The following RORA variants were observed in gnomAD, a reference collection of about 807,000 sequenced individuals.
The protein encoded by RORA is nuclear receptor ROR-alpha.
In RORA, 7 loss-of-function variants were observed where a neutral mutation model predicts 69.5. That is an observed-to-expected ratio of 0.10 (90% CI 0.06 to 0.19). The LOEUF (loss-of-function observed/expected upper bound fraction) is 0.19, where lower values mean the gene tolerates loss of function less well. Among genes scored for constraint, RORA ranks in the 10% least tolerant of loss-of-function variants. The pLI, the probability that RORA is intolerant of heterozygous loss-of-function variation, is 1.00. For missense variants in RORA, 457 were observed against 663.0 expected, an observed-to-expected ratio of 0.69 and a Z score of 3.41; for synonymous variants, 261 against 240.8, an observed-to-expected ratio of 1.08 and a Z score of -0.78.
At chr15:61,119,175 T>A (rs1418653419) in intron 1 of RORA, among the ~76,000 whole-genome samples, 1 of 151,648 alleles carries the variant, frequency 6.6e-6, no homozygotes, top group Non-Finnish European at 1.5e-5. Context: ...CCAGAGATAT[T>A]TTCAGGGGCA....
chr15:60,835,183 T>C (rs754278023), intron 1 of RORA, among the ~76,000 whole-genome samples: 2 of 152,204 alleles, frequency 1.3e-5, no homozygotes, highest in Non-Finnish European at 2.9e-5. Flanking sequence ...TGGCTGCATC[T>C]GCACAAAGTG....
chr15:60,667,326 C>G (rs1373240657), intron 2 of RORA, among the ~76,000 whole-genome samples: 2 of 152,226 alleles, frequency 1.3e-5, no homozygotes, highest in African/African-American at 4.8e-5. Context: ...CAAGCTGAAT[C>G]TGTCACTAAC....
intron 1 of RORA, among the ~76,000 whole-genome samples, chr15:61,031,916 C>T (rs1896190918): frequency 6.6e-6 from 1 of 152,150 alleles, no homozygotes; most frequent in African/African-American, 2.4e-5. Flanking sequence ...TTCATTATCA[C>T]TTACTTCTCT....
intron 2 of RORA, among the ~76,000 whole-genome samples, chr15:60,626,012 A>G (rs1212459045): frequency 6.6e-6 from 1 of 152,214 alleles, no homozygotes; most frequent in Non-Finnish European, 1.5e-5. Context: ...CAGAGCTCCC[A>G]CGTTCTTCCT....
At chr15:61,168,217 C>T (rs11637398) in intron 1 of RORA, among the ~76,000 whole-genome samples, 137,991 of 147,022 alleles carry the variant, frequency 0.94, 64,515 homozygotes, top group East Asian at 0.99. Flanking sequence ...TGCGTGCGTG[C>T]GTGTGTGTGT....
intron 1 of RORA, among the ~76,000 whole-genome samples, chr15:60,894,206 T>G (rs987682884): frequency 6.6e-6 from 1 of 152,222 alleles, no homozygotes; most frequent in Non-Finnish European, 1.5e-5. Flanking sequence ...GCAAAGCCGC[T>G]TCAGCGATCA....
intron 1 of RORA, among the ~76,000 whole-genome samples, chr15:60,703,010 A>G (rs1451287026): frequency 6.6e-6 from 1 of 152,216 alleles, no homozygotes; most frequent in Middle Eastern, 3.2e-3. Context: ...TATTTTCAAC[A>G]AAGAATTAAT....
chr15:60,533,370 T>C (rs1478787775), intron 2 of RORA, among the ~76,000 whole-genome samples: 1 of 152,212 alleles, frequency 6.6e-6, no homozygotes, highest in Non-Finnish European at 1.5e-5. Flanking sequence ...CTAATAGGTA[T>C]AGTTTGAGTT....
chr15:60,722,173 T>C (rs890252380), intron 1 of RORA, among the ~76,000 whole-genome samples: 3 of 152,238 alleles, frequency 2.0e-5, no homozygotes, highest in Non-Finnish European at 2.9e-5. Flanking sequence ...TTTCAGTTTG[T>C]TATTTATTTT....
intron 1 of RORA, among the ~76,000 whole-genome samples, chr15:60,825,514 G>A (rs2072944096): frequency 6.6e-6 from 1 of 152,172 alleles, no homozygotes; most frequent in South Asian, 2.1e-4. Context: ...ATTCAAGATG[G>A]CCTCATTTAT....
At chr15:61,199,467 G>A (rs376522208) in intron 1 of RORA, among the ~76,000 whole-genome samples, 1 of 151,952 alleles carries the variant, frequency 6.6e-6, no homozygotes, top group African/African-American at 2.4e-5. Context: ...CACTACTCTC[G>A]GCCCAAGCAG....
At chr15:60,857,183 C>G (rs141097006) in intron 1 of RORA, among the ~76,000 whole-genome samples, 1 of 152,200 alleles carries the variant, frequency 6.6e-6, no homozygotes, top group East Asian at 1.9e-4. Flanking sequence ...GGGACAAGGG[C>G]TATGATGAAT....
intron 1 of RORA, among the ~76,000 whole-genome samples, chr15:61,220,694 C>T (rs184865718): frequency 8.7e-4 from 132 of 152,304 alleles, no homozygotes; most frequent in African/African-American, 3.2e-3. Context: ...CCCTTCAGAC[C>T]TATTCTTGCT....
At chr15:60,677,343 A>G in intron 2 of RORA, 1 of 401,640 alleles carries the variant, frequency 2.5e-6, no homozygotes, top group Non-Finnish European at 5.2e-6. Flanking sequence ...ACGACAAAAC[A>G]ACCCCCAAAA....
intron 3 of RORA, among the ~76,000 whole-genome samples, chr15:60,527,580 G>T (rs959073291): frequency 6.6e-6 from 1 of 152,190 alleles, no homozygotes; most frequent in African/African-American, 2.4e-5. Flanking sequence ...CAAGAGCTCA[G>T]AAATGTCTGT....
At chr15:60,920,366 C>G (rs2140488707) in intron 1 of RORA, among the ~76,000 whole-genome samples, 1 of 152,300 alleles carries the variant, frequency 6.6e-6, no homozygotes, top group Non-Finnish European at 1.5e-5. Context: ...TTTTCAACGT[C>G]AAAGAATAAG....
Position 60,822,155 on chromosome 15 carries a change from G to C in RORA, c.167-143469C>G, listed in dbSNP as rs532864253. 1.0e-3 allele frequency among the ~76,000 whole-genome samples: 156 copies of C among 152,264 alleles called. 1 individual carries two copies. Among genetic ancestry groups the C allele is most frequent in the African/African-American group, 3.6e-3 (149 of 41,536 alleles). On this transcript the variant is annotated intron_variant, in intron 1 of 10. Coordinates refer to ENST00000335670, the MANE Select transcript of RORA (RefSeq NM_134261.3). The stretch of plus-strand genomic sequence containing the variant: ...CTTATTTTATCAAAGGGAAAATTGG[G>C]GTTCAATTTCACTCTTACTTCCACA...
intron 2 of RORA, chr15:60,558,189 T>C (rs2140412915): frequency 6.9e-7 from 1 of 1,446,696 alleles, no homozygotes; most frequent in Non-Finnish European, 9.7e-7. Flanking sequence ...GGTCTCTGGA[T>C]GGAGGACAGG....
intron 1 of RORA, among the ~76,000 whole-genome samples, chr15:61,146,330 C>CCTA: frequency 6.6e-6 from 1 of 152,150 alleles, no homozygotes; most frequent in Middle Eastern, 3.4e-3. Context: ...TACATAAATC[C>CCTA]CTACTAGTTG....
Sources: gnomAD v4.1 joint callset for allele counts (sites outside exome capture counted in the v4.1 genomes callset) on GRCh38, gnomAD v4.1.1 for gene constraint, MANE v1.5 for transcripts, NCBI Gene and HGNC (gene_info 2026-07-23, HGNC 2026-07-21) for gene names.